The following SLC17A1 variants were observed in gnomAD, a reference collection of about 807,000 sequenced individuals.
SLC17A1 encodes sodium-dependent phosphate transport protein 1.
In SLC17A1, 51 loss-of-function variants were observed where a neutral mutation model predicts 53.5. The ratio of observed to expected loss-of-function variants is 0.95; its 90% CI spans 0.76 to 1.20. The LOEUF is 1.20. Among genes scored for constraint, SLC17A1 ranks in the 50% most tolerant of loss-of-function variants. The pLI is 0.00. For missense variants in SLC17A1, 538 were observed against 568.2 expected (o/e 0.95, Z 0.54); for synonymous variants, 179 against 198.8 (o/e 0.90, Z 0.84).
At chr6:25,809,018 T>C (rs947256746) in intron 10 of SLC17A1, among the ~76,000 whole-genome samples, 2 of 151,846 alleles carry the variant, frequency 1.3e-5, no homozygotes, top group Non-Finnish European at 2.9e-5. Context: ...CAACAGATGA[T>C]TGGATGAGGA....
rs747488042 is a variant in SLC17A1 at position 25,811,388 on chromosome 6, C to T, written c.1178+10G>A. 10 of 1,602,302 alleles carry T rather than the reference C, an allele frequency of 6.2e-6. No individual in the cohort carries two copies. The highest frequency in any genetic ancestry group is 5.4e-5 in the African/African-American group (4 of 74,458). ...TAAAGGTTAAAAAAAAGCGTATAAACAAATCCTACCTGGGAGCAATATCCA... is the reference window on the plus strand; with the variant it reads ...TAAAGGTTAAAAAAAAGCGTATAAATAAATCCTACCTGGGAGCAATATCCA... On this transcript the variant is annotated intron_variant, in intron 10 of 12. Coordinates refer to ENST00000244527, the MANE Select transcript of SLC17A1 (RefSeq NM_005074.5).
the SLC17A1 span, chr6:25,726,596 C>T: frequency 6.5e-7 from 1 of 1,527,434 alleles, no homozygotes; most frequent in African/African-American, 1.4e-5. Flanking sequence ...TATTTATAGT[C>T]TGACTGAGGT....
In SLC17A1 at chr6:25,800,889, C is replaced by A; in HGVS notation, c.1269+1G>T. 1.9e-6 allele frequency: 3 copies of A among 1,570,104 alleles called. No homozygotes were observed. Among genetic ancestry groups the A allele is most frequent in the Non-Finnish European group, 2.6e-6 (3 of 1,140,672 alleles). On this transcript the variant is annotated splice_donor_variant, in intron 11 of 12. Coordinates refer to ENST00000244527, the MANE Select transcript of SLC17A1 (RefSeq NM_005074.5). LOFTEE classifies it high-confidence loss of function. ...TAACTACACATCTGTATGTTTCTTA[C>A]CTGCTTAAGGATCAATCCAGTCAAA...
At chr6:25,738,465 T>C in the SLC17A1 span, among the ~76,000 whole-genome samples, 1 of 151,738 alleles carries the variant, frequency 6.6e-6, no homozygotes, top group Non-Finnish European at 1.5e-5. Flanking sequence ...TTAGAAAAAA[T>C]ATGTAGGAGA....
intron 12 of SLC17A1, among the ~76,000 whole-genome samples, chr6:25,783,907 T>C (rs1038643995): frequency 5.3e-5 from 8 of 151,952 alleles, no homozygotes; most frequent in Admixed American, 5.2e-4. Context: ...GGGCTGAAAC[T>C]GGGCTTTACC....
chr6:25,771,794 A>G, the SLC17A1 span, among the ~76,000 whole-genome samples: 1 of 152,130 alleles, frequency 6.6e-6, no homozygotes, highest in Non-Finnish European at 1.5e-5. Flanking sequence ...AGACTGCAGG[A>G]CAGGGCAGAT....
At position 25,829,234 on chromosome 6, in the gene SLC17A1, T is replaced by C. The variant is rs1040081781; in HGVS notation, c.34+1290A>G. 5.9e-5 allele frequency among the ~76,000 whole-genome samples: 9 copies of C among 152,098 alleles called. 1 individual carries two copies. The highest frequency in any genetic ancestry group is 4.4e-5 in the Non-Finnish European group (3 of 68,014). ...AAGGTCCTAGCGATGCGATAGTGTATAGTAGGAGACCCTCTCCTAAAATGC... is the reference window on the plus strand; with the variant it reads ...AAGGTCCTAGCGATGCGATAGTGTACAGTAGGAGACCCTCTCCTAAAATGC... On this transcript the variant is annotated intron_variant, in intron 2 of 12. Coordinates refer to ENST00000244527, the MANE Select transcript of SLC17A1 (RefSeq NM_005074.5).
chr6:25,824,355 C>T (rs1466202556), intron 3 of SLC17A1, among the ~76,000 whole-genome samples: 1 of 151,116 alleles, frequency 6.6e-6, no homozygotes, highest in Non-Finnish European at 1.5e-5. Flanking sequence ...CAGTGTGGTA[C>T]AATTTTTAAA....
At chr6:25,725,998 A>G in the SLC17A1 span, 2 of 782,392 alleles carry the variant, frequency 2.6e-6, no homozygotes, top group Non-Finnish European at 4.0e-6. Context: ...CATTTGTGAC[A>G]GGCAAGTAAG....
the SLC17A1 span, chr6:25,731,820 C>T: frequency 6.2e-7 from 1 of 1,601,398 alleles, no homozygotes; most frequent in Non-Finnish European, 8.5e-7. Context: ...AGCCTTGGTG[C>T]CCTCCGACAC....
At chr6:25,762,192 A>T in the SLC17A1 span, 2 of 670,442 alleles carry the variant, frequency 3.0e-6, no homozygotes, top group East Asian at 5.6e-5. Context: ...AATTGCCAAT[A>T]ATTCTATACG....
chr6:25,787,028 A>G (rs192183376), intron 12 of SLC17A1, among the ~76,000 whole-genome samples: 2 of 145,768 alleles, frequency 1.4e-5, no homozygotes, highest in African/African-American at 5.1e-5. Flanking sequence ...ACTACCTAAG[A>G]GGGCTTAACA....
chr6:25,732,280 TA>T, the SLC17A1 span, among the ~76,000 whole-genome samples: 1 of 152,138 alleles, frequency 6.6e-6, no homozygotes. Flanking sequence ...GATTGGATAA[TA>T]GGTAGAGTAT....
downstream of SLC17A1, chr6:25,780,725 A>T (rs1033398524): frequency 6.6e-6 from 1 of 152,208 alleles, no homozygotes; most frequent in Admixed American, 6.5e-5. Flanking sequence ...AGGAGCTTAC[A>T]GTGTAGTCCA....
At chr6:25,830,998 A>C (rs768616672) in intron 1 of SLC17A1, among the ~76,000 whole-genome samples, 4 of 152,212 alleles carry the variant, frequency 2.6e-5, no homozygotes, top group Admixed American at 6.5e-5. Flanking sequence ...GTATGAAAAG[A>C]AAGGAAGAAT....
At chr6:25,822,644 C>CCCT (rs1764604558) in intron 3 of SLC17A1, among the ~76,000 whole-genome samples, 1 of 152,062 alleles carries the variant, frequency 6.6e-6, no homozygotes, top group Non-Finnish European at 1.5e-5. Flanking sequence ...CTCAAGAGCT[C>CCCT]CCTCCTCTTT....
chr6:25,766,097 A>T, the SLC17A1 span, among the ~76,000 whole-genome samples: 1 of 150,904 alleles, frequency 6.6e-6, no homozygotes, highest in Non-Finnish European at 1.5e-5. Context: ...TTACATAATC[A>T]TAATTAACTT....
Position 25,797,921 on chromosome 6 carries a change from T to C in SLC17A1, c.*2+862A>G, listed in dbSNP as rs552562799. On this transcript the variant is annotated intron_variant, in intron 12 of 12. Transcript: ENST00000244527. ...GAGCCTTTTGACCTATAAAATCTCCTACAGTTTAGATTTGCTAATGATACA... is the reference window on the plus strand; with the variant it reads ...GAGCCTTTTGACCTATAAAATCTCCCACAGTTTAGATTTGCTAATGATACA... Among the ~76,000 whole-genome samples the C allele has an allele frequency of 7.2e-5, 11 of 152,308 alleles. No individual in the cohort carries two copies. The South Asian group carries it at 1.9e-3, about 26-fold the overall frequency.
the SLC17A1 span, among the ~76,000 whole-genome samples, chr6:25,775,001 TAAC>T: frequency 1.3e-5 from 2 of 152,320 alleles, no homozygotes; most frequent in East Asian, 3.9e-4. Context: ...GTTTAATTGA[TAAC>T]AACAAGGTTC....
Sources: gnomAD v4.1 joint callset for allele counts (sites outside exome capture counted in the v4.1 genomes callset) on GRCh38, gnomAD v4.1.1 for gene constraint, MANE v1.5 for transcripts, NCBI Gene and HGNC (gene_info 2026-07-23, HGNC 2026-07-21) for gene names.